The following KYNU variants were observed in gnomAD, a reference collection of about 807,000 sequenced individuals.
KYNU encodes the protein kynureninase.
KYNU carries 54 observed loss-of-function variants against 59.2 expected under a neutral mutation model. The ratio of observed to expected loss-of-function variants is 0.91; its 90% CI spans 0.73 to 1.14. KYNU has a LOEUF of 1.14. Among genes scored for constraint, KYNU ranks in the 50% most tolerant of loss-of-function variants. The probability of loss-of-function intolerance (pLI) is 0.00; values close to 1 mark genes in which losing one functional copy is unlikely to be tolerated. For synonymous variants in KYNU, 177 were observed against 192.0 expected, an observed-to-expected ratio of 0.92 and a Z score of 0.65; for missense variants, 567 against 554.4, an observed-to-expected ratio of 1.02 and a Z score of -0.23.
At chr2:142,905,624 T>A (rs1051350042) in intron 2 of KYNU, among the ~76,000 whole-genome samples, 2 of 152,242 alleles carry the variant, frequency 1.3e-5, no homozygotes, top group Non-Finnish European at 2.9e-5. Context: ...AAGCTACCTT[T>A]TTGCTTTTTT....
chr2:143,015,626 C>T (rs567385838), intron 10 of KYNU, among the ~76,000 whole-genome samples: 3 of 152,128 alleles, frequency 2.0e-5, no homozygotes, highest in African/African-American at 7.2e-5. Context: ...GACATTCCTT[C>T]TTTCTTCCTG....
At position 142,877,743 on chromosome 2, in the gene KYNU, T is replaced by C. The variant is rs1467135709; in HGVS notation, c.-20+7T>C. ...TCCATTGGGATCCTAGCTGGTAAGC[T>C]TGAGGCGCTGATAAAAACTCTCTAC... On this transcript the variant is annotated splice_region_variant and intron_variant, in intron 1 of 13. Coordinates refer to ENST00000264170, the MANE Select transcript of KYNU (RefSeq NM_003937.3). 6.6e-6 allele frequency: 1 copy of C among 152,208 alleles called. No individual in the cohort carries two copies. Among genetic ancestry groups the C allele is most frequent in the Non-Finnish European group, 1.5e-5 (1 of 68,034 alleles). The allele number at this position is 152,208 out of a possible 1,614,324, so 9.4% of individuals were successfully genotyped here. A position where few individuals can be genotyped will look rare whatever the true frequency, so the allele number is the denominator to read the frequency against.
Position 143,004,552 on chromosome 2 carries a change from A to G in KYNU, c.902+18531A>G, listed in dbSNP as rs149882450. On this transcript the variant is annotated intron_variant, in intron 10 of 13. Coordinates refer to ENST00000264170, the MANE Select transcript of KYNU (RefSeq NM_003937.3). ...ATGATGAAAACCCGTCTCTACTAAA[A>G]ATACAAGAATTAGCTGCGTGTGGTG... 4.4e-3 allele frequency among the ~76,000 whole-genome samples: 665 copies of G among 152,254 alleles called. 5 individuals are homozygous for G. Among genetic ancestry groups the G allele is most frequent in the African/African-American group, 0.015 (638 of 41,548 alleles).
intron 10 of KYNU, among the ~76,000 whole-genome samples, chr2:143,022,416 G>T (rs1182473039): frequency 6.6e-6 from 1 of 151,894 alleles, no homozygotes; most frequent in African/African-American, 2.4e-5. Flanking sequence ...GTTAGAATCT[G>T]TTTGCAGTAT....
chr2:142,965,826 T>G (rs1573849511), intron 8 of KYNU, among the ~76,000 whole-genome samples: 2 of 152,220 alleles, frequency 1.3e-5, no homozygotes, highest in African/African-American at 4.8e-5. Flanking sequence ...ATATAATATT[T>G]CTTATGTTCC....
At chr2:143,003,681 AT>A (rs887726018) in intron 10 of KYNU, among the ~76,000 whole-genome samples, 4 of 150,680 alleles carry the variant, frequency 2.7e-5, no homozygotes, top group Admixed American at 6.6e-5. Context: ...CAGAAATTTG[AT>A]TTTTTTTTTC....
intron 4 of KYNU, among the ~76,000 whole-genome samples, chr2:142,928,021 T>A (rs1043405833): frequency 6.6e-6 from 1 of 152,194 alleles, no homozygotes; most frequent in Non-Finnish European, 1.5e-5. Context: ...AACACATACA[T>A]TGTATTAATT....
intron 10 of KYNU, among the ~76,000 whole-genome samples, chr2:143,016,003 CT>C (rs1442246441): frequency 6.6e-6 from 1 of 152,188 alleles, no homozygotes; most frequent in Non-Finnish European, 1.5e-5. Flanking sequence ...ATCTCCTTTC[CT>C]TTTTTTCTCC....
intron 4 of KYNU, among the ~76,000 whole-genome samples, chr2:142,937,113 C>T (rs1450884819): frequency 1.3e-5 from 2 of 152,122 alleles, no homozygotes; most frequent in African/African-American, 2.4e-5. Context: ...GCCTCTTTCT[C>T]GATCTTCAGG....
intron 10 of KYNU, 132 bp from the exon 11 acceptor site, chr2:143,029,495 A>G (rs1355072660): frequency 1.5e-6 from 1 of 684,844 alleles, no homozygotes; most frequent in African/African-American, 1.8e-5. Context: ...CTAAGGCACA[A>G]GAATCGCTTG....
rs371656879 is a variant in KYNU at position 142,885,336 on chromosome 2, T to G, written c.-19-13T>G. ...TTATGGTGGCTAGATTATGTTTTATTATTCTCTTTCAGTTTTAGAGAACAA... is the reference window on the plus strand; with the variant it reads ...TTATGGTGGCTAGATTATGTTTTATGATTCTCTTTCAGTTTTAGAGAACAA... On this transcript the variant is annotated splice_polypyrimidine_tract_variant and intron_variant, in intron 1 of 13. Transcript: ENST00000264170. 2 of 1,608,046 alleles carry G rather than the reference T, an allele frequency of 1.2e-6. No individual in the cohort carries two copies. The highest frequency in any genetic ancestry group is 2.7e-5 in the African/African-American group (2 of 74,920).
At chr2:142,911,328 A>C (rs568446229) in intron 2 of KYNU, among the ~76,000 whole-genome samples, 63 of 152,114 alleles carry the variant, frequency 4.1e-4, no homozygotes, top group African/African-American at 1.5e-3. Context: ...CGCTGTTGCA[A>C]ATGGGATTGT....
intron 3 of KYNU, among the ~76,000 whole-genome samples, chr2:142,921,369 T>C (rs1473076442): frequency 1.3e-5 from 2 of 152,194 alleles, no homozygotes; most frequent in Non-Finnish European, 2.9e-5. Context: ...AGGCTTTGCT[T>C]AAGTTTAGAT....
chr2:142,904,170 T>G (rs1182002882), intron 2 of KYNU, among the ~76,000 whole-genome samples: 1 of 152,240 alleles, frequency 6.6e-6, no homozygotes, highest in Non-Finnish European at 1.5e-5. Flanking sequence ...GACAGAGAGT[T>G]TGCTTCCTCA....
intron 10 of KYNU, among the ~76,000 whole-genome samples, chr2:143,005,288 G>T (rs1685837437): frequency 6.6e-6 from 1 of 152,172 alleles, no homozygotes; most frequent in African/African-American, 2.4e-5. Flanking sequence ...CTACCTGGTT[G>T]TGTCTAAAGT....
chr2:142,977,692 G>C (rs1314899710), intron 8 of KYNU, among the ~76,000 whole-genome samples: 3 of 152,040 alleles, frequency 2.0e-5, no homozygotes, highest in Non-Finnish European at 4.4e-5. Context: ...TAAAATAGTA[G>C]ATAGCTATAT....
chr2:142,921,852 ACATACATG>A (rs887580356), intron 3 of KYNU, among the ~76,000 whole-genome samples: 1 of 138,278 alleles, frequency 7.2e-6, no homozygotes, highest in Non-Finnish European at 1.6e-5. Context: ...ATACATACAT[ACATACATG>A]TAGTCTTCAT....
intron 10 of KYNU, among the ~76,000 whole-genome samples, chr2:143,000,518 G>A (rs1685680883): frequency 6.6e-6 from 1 of 152,022 alleles, no homozygotes; most frequent in African/African-American, 2.4e-5. Flanking sequence ...TGCAATTTGG[G>A]GCACACATAC....
chr2:142,962,811 C>A (rs1684394144), intron 8 of KYNU, among the ~76,000 whole-genome samples: 1 of 152,050 alleles, frequency 6.6e-6, no homozygotes, highest in Non-Finnish European at 1.5e-5. Flanking sequence ...TGCTGTAGTT[C>A]CTCCTATTAT....
Sources: allele counts gnomAD v4.1 joint callset (sites outside exome capture counted in the v4.1 genomes callset), GRCh38; gene constraint gnomAD v4.1.1; transcripts MANE v1.5; gene names NCBI Gene and HGNC (gene_info 2026-07-23, HGNC 2026-07-21).